The following GHR variants were observed in gnomAD, a reference collection of about 807,000 sequenced individuals.
GHR encodes GH receptor.
In GHR, 35 loss-of-function variants were observed where a neutral mutation model predicts 67.1. The ratio of observed to expected loss-of-function variants is 0.52; its 90% CI spans 0.40 to 0.69. The LOEUF (loss-of-function observed/expected upper bound fraction) is 0.69, where lower values mean the gene tolerates loss of function less well. Among genes scored for constraint, GHR ranks in the 30% least tolerant of loss-of-function variants. GHR has a pLI of 0.00. For synonymous variants in GHR, 272 were observed against 269.1 expected (o/e 1.01, Z -0.10); for missense variants, 792 against 764.6 (o/e 1.04, Z -0.42).
In GHR at chr5:42,638,876, CAT is replaced by C. The variant is rs554095075; in HGVS notation, c.136+9777_136+9778del. The stretch of plus-strand genomic sequence containing the variant: ...AATAAATAATTTTTATTTCTAATGA[CAT>C]ATAAAATTATTATGGTTATGTTTAA... On this transcript the variant is annotated intron_variant, in intron 3 of 9. Transcript: ENST00000230882. Among the ~76,000 whole-genome samples, 157 of 152,168 alleles carry C rather than the reference CAT, an allele frequency of 1.0e-3. 1 individual carries two copies. The highest frequency in any genetic ancestry group is 3.7e-3 in the African/African-American group (153 of 41,484).
Position 42,462,365 on chromosome 5 carries a change from G to T in GHR, c.-12+38410G>T, listed in dbSNP as rs559241024. ...TGATGAAGTCATTCCTCATTAAAAT[G>T]AAGCTAAGCAAAATTTAATAGTACT... is the stretch of plus-strand genomic sequence containing the variant. On this transcript the variant is annotated intron_variant, in intron 1 of 9. Coordinates refer to ENST00000230882, the MANE Select transcript of GHR (RefSeq NM_000163.5). Among the ~76,000 whole-genome samples the T allele has an allele frequency of 3.3e-5, 5 of 152,256 alleles. No individual in the cohort carries two copies. In the East Asian group the frequency reaches 5.8e-4, roughly 18 times the overall value.
chr5:42,703,339 C>T (rs550488686), intron 6 of GHR, among the ~76,000 whole-genome samples: 49 of 152,030 alleles, frequency 3.2e-4, no homozygotes, highest in African/African-American at 1.1e-3. Flanking sequence ...ATTCTTAGCA[C>T]CTTTGTGATA....
chr5:42,562,607 G>A lies in GHR; in HGVS notation c.-11-3257G>A, dbSNP rs1181042078. On this transcript the variant is annotated intron_variant, in intron 1 of 9. Coordinates refer to ENST00000230882, the MANE Select transcript of GHR (RefSeq NM_000163.5). Reference sequence around the variant, plus strand: ...TTGTTTTGATAGAGCACATTCTATGGACATATGTTCAGCTTGTAAAGGAAG... The same window carrying A: ...TTGTTTTGATAGAGCACATTCTATGAACATATGTTCAGCTTGTAAAGGAAG... Among the ~76,000 whole-genome samples the A allele has an allele frequency of 1.3e-5, 2 of 150,348 alleles. 1 individual carries two copies. The highest frequency in any genetic ancestry group is 3.9e-4 in the East Asian group (2 of 5,140).
chr5:42,429,057 G>A (rs1742977968), intron 1 of GHR, among the ~76,000 whole-genome samples: 1 of 152,082 alleles, frequency 6.6e-6, no homozygotes, highest in African/African-American at 2.4e-5. Flanking sequence ...TACTATATTA[G>A]CCCATTCTCA....
At chr5:42,587,438 G>A (rs574622975) in intron 2 of GHR, among the ~76,000 whole-genome samples, 1 of 152,220 alleles carries the variant, frequency 6.6e-6, no homozygotes, top group African/African-American at 2.4e-5. Context: ...CTTTTCCCTT[G>A]TTAAAGCCAG....
intron 3 of GHR, among the ~76,000 whole-genome samples, chr5:42,642,490 C>A (rs1043931949): frequency 6.6e-6 from 1 of 152,042 alleles, no homozygotes; most frequent in African/African-American, 2.4e-5. Context: ...TAGACCACAG[C>A]AAGAACCTAA....
At chr5:42,432,739 C>T (rs1743148634) in intron 1 of GHR, among the ~76,000 whole-genome samples, 1 of 152,102 alleles carries the variant, frequency 6.6e-6, no homozygotes, top group Non-Finnish European at 1.5e-5. Context: ...ATTTTTATAC[C>T]TAGGAAATCA....
At chr5:42,526,128 C>T (rs768684231) in intron 1 of GHR, among the ~76,000 whole-genome samples, 4 of 150,972 alleles carry the variant, frequency 2.6e-5, no homozygotes, top group Non-Finnish European at 4.4e-5. Flanking sequence ...GTTGTGAATG[C>T]AAAGGAAAAG....
chr5:42,462,508 A>G (rs935545997), intron 1 of GHR, among the ~76,000 whole-genome samples: 3 of 152,240 alleles, frequency 2.0e-5, no homozygotes, highest in Non-Finnish European at 4.4e-5. Context: ...TTGTCATAAT[A>G]TGTAAATGAA....
At chr5:42,627,249 C>G (rs1249567366) in intron 2 of GHR, among the ~76,000 whole-genome samples, 1 of 152,030 alleles carries the variant, frequency 6.6e-6, no homozygotes, top group Non-Finnish European at 1.5e-5. Flanking sequence ...TTATATTTCT[C>G]TTCATTCTTA....
intron 3 of GHR, among the ~76,000 whole-genome samples, chr5:42,649,427 T>G (rs1754906519): frequency 6.6e-6 from 1 of 152,144 alleles, no homozygotes; most frequent in African/African-American, 2.4e-5. Context: ...ATGATTAATT[T>G]AAGTTACTAA....
At chr5:42,550,672 A>G (rs1748980019) in intron 1 of GHR, among the ~76,000 whole-genome samples, 1 of 152,092 alleles carries the variant, frequency 6.6e-6, no homozygotes, top group South Asian at 2.1e-4. Flanking sequence ...TTGTCTTTCA[A>G]AAGTAGAGAG....
At chr5:42,626,592 G>A (rs1450786715) in intron 2 of GHR, among the ~76,000 whole-genome samples, 6 of 152,030 alleles carry the variant, frequency 3.9e-5, no homozygotes, top group African/African-American at 1.4e-4. Context: ...TTGGAGAGTG[G>A]GGCTGAAGTG....
Position 42,488,813 on chromosome 5 carries a change from G to C in GHR, c.-12+64858G>C, listed in dbSNP as rs369746510. Among the ~76,000 whole-genome samples the C allele has an allele frequency of 2.6e-5, 4 of 152,270 alleles. No homozygotes were observed. The East Asian group carries it at 7.7e-4, about 29-fold the overall frequency. Reference sequence around the variant, plus strand: ...CTTTATCGCCACAGCTAACATATGGGTAGTGCTCACCATCTACCAAACATG... The same window carrying C: ...CTTTATCGCCACAGCTAACATATGGCTAGTGCTCACCATCTACCAAACATG... On this transcript the variant is annotated intron_variant, in intron 1 of 9. Transcript: ENST00000230882.
intron 3 of GHR, among the ~76,000 whole-genome samples, chr5:42,633,776 C>G (rs1754037659): frequency 6.6e-6 from 1 of 152,176 alleles, no homozygotes. Flanking sequence ...TCCCTTTTCT[C>G]TTATGTACTC....
chr5:42,500,846 TA>T, intron 1 of GHR, among the ~76,000 whole-genome samples: 1 of 152,242 alleles, frequency 6.6e-6, no homozygotes, highest in East Asian at 1.9e-4. Flanking sequence ...AATGACATCC[TA>T]AAACCATTAA....
chr5:42,633,880 C>T (rs1194552524), intron 3 of GHR, among the ~76,000 whole-genome samples: 1 of 152,196 alleles, frequency 6.6e-6, no homozygotes, highest in Non-Finnish European at 1.5e-5. Flanking sequence ...CAGTCTGAAA[C>T]AATCCTTCAT....
chr5:42,704,777 G>T (rs1025029486), intron 6 of GHR, among the ~76,000 whole-genome samples: 1 of 151,820 alleles, frequency 6.6e-6, no homozygotes, highest in Non-Finnish European at 1.5e-5. Flanking sequence ...TTGTGTGTAG[G>T]AATTTATTCA....
intron 1 of GHR, among the ~76,000 whole-genome samples, chr5:42,559,188 G>A (rs868136070): frequency 6.6e-6 from 1 of 152,088 alleles, no homozygotes; most frequent in African/African-American, 2.4e-5. Context: ...AGCCACATGT[G>A]ACTTATTGTA....
Sources: allele counts gnomAD v4.1 joint callset (sites outside exome capture counted in the v4.1 genomes callset), GRCh38; gene constraint gnomAD v4.1.1; transcripts MANE v1.5; gene names NCBI Gene and HGNC (gene_info 2026-07-23, HGNC 2026-07-21).